The following TEC variants were observed in gnomAD, a reference collection of about 807,000 sequenced individuals.
The protein encoded by TEC is tyrosine-protein kinase Tec.
A neutral mutation model predicts 93.0 loss-of-function variants in TEC; 72 were observed. That is an observed-to-expected ratio of 0.77 (90% confidence interval 0.64 to 0.94). TEC has a LOEUF of 0.94. Ranked by LOEUF, TEC falls within the 40% of genes least tolerant of loss-of-function variation. The pLI, the probability that TEC is intolerant of heterozygous loss-of-function variation, is 0.00. For missense variants in TEC, 630 were observed against 757.9 expected, an observed-to-expected ratio of 0.83 and a Z score of 1.98; for synonymous variants, 249 against 247.7, an observed-to-expected ratio of 1.01 and a Z score of -0.05.
At chr4:48,179,971 C>G (rs185426656) in intron 2 of TEC, among the ~76,000 whole-genome samples, 2 of 152,126 alleles carry the variant, frequency 1.3e-5, no homozygotes, top group Admixed American at 1.3e-4. Context: ...CCATGGTCTG[C>G]TTTCAAAACA....
At position 48,150,807 on chromosome 4, in the gene TEC, A is replaced by G. The variant is rs1424430869; in HGVS notation, c.872+56T>C. 3.9e-6 allele frequency: 5 copies of G among 1,271,348 alleles called. No homozygotes were observed. The Admixed American group carries it at 1.3e-4, about 32-fold the overall frequency. 78.8% of individuals were successfully genotyped at this position (1,271,348 alleles called of 1,614,324 possible). On this transcript the variant is annotated intron_variant, in intron 10 of 17. Coordinates refer to ENST00000381501, the MANE Select transcript of TEC (RefSeq NM_003215.3). ...AAAATTAGGAATCCATATAAACTAC[A>G]TAGGAAGTTCATACAAAAACTCTAA... is the stretch of plus-strand genomic sequence containing the variant.
At chr4:48,161,606 T>C (rs1720662933) in intron 8 of TEC, among the ~76,000 whole-genome samples, 1 of 151,772 alleles carries the variant, frequency 6.6e-6, no homozygotes, top group South Asian at 2.1e-4. Flanking sequence ...GGCTTTTTTT[T>C]TTTTTTTTTT....
intron 2 of TEC, among the ~76,000 whole-genome samples, chr4:48,215,538 G>A (rs1723050475): frequency 6.6e-6 from 1 of 152,054 alleles, no homozygotes; most frequent in Admixed American, 6.6e-5. Flanking sequence ...AATAAAATAG[G>A]CTTGTGCTAG....
intron 15 of TEC, 120 bp from the exon 16 acceptor site, chr4:48,139,142 C>A: frequency 1.2e-6 from 1 of 825,954 alleles, no homozygotes; most frequent in Non-Finnish European, 1.9e-6. Context: ...AACAAGCATC[C>A]GGTTGAAGCT....
chr4:48,163,192 T>A (rs1300160152), intron 8 of TEC, among the ~76,000 whole-genome samples: 1 of 152,132 alleles, frequency 6.6e-6, no homozygotes, highest in Non-Finnish European at 1.5e-5. Flanking sequence ...AAATTTATGA[T>A]CAAATGAAAT....
chr4:48,266,988 A>G (rs1724655521), intron 1 of TEC, among the ~76,000 whole-genome samples: 1 of 152,250 alleles, frequency 6.6e-6, no homozygotes, highest in Non-Finnish European at 1.5e-5. Context: ...AAGAGAGCCA[A>G]CTCATCATCT....
chr4:48,149,779 C>G (rs568158882), intron 10 of TEC, 89 bp from the exon 11 acceptor site: 1 of 1,331,512 alleles, frequency 7.5e-7, no homozygotes, highest in Admixed American at 2.5e-5. Flanking sequence ...ACCACAGTGT[C>G]TCTCCATATG....
rs767837039 is a variant in TEC at position 48,228,485 on chromosome 4, G to A, written c.130C>T (p.Arg44Ter). 11 of 1,601,686 alleles carry A rather than the reference G, an allele frequency of 6.9e-6. No individual in the cohort carries two copies. The highest frequency in any genetic ancestry group is 6.8e-6 in the Non-Finnish European group (8 of 1,176,598). ...TKSMLTYYEG[R>*]AEKKYRKGFI... ...TCGTGATTGTCTCTTACCTCTGCTC[G>A]ACCCTCATAGTAGGTTAGCATGGAC... Residue 44 changes from arginine (R) to a stop codon, truncating the protein, a stop_gained, in exon 2 of 18, where the codon CGA (arginine) becomes TGA (stop). Transcript: ENST00000381501. LOFTEE classifies it high-confidence loss of function.
intron 2 of TEC, among the ~76,000 whole-genome samples, chr4:48,217,348 CA>C (rs1723115318): frequency 6.6e-6 from 1 of 152,148 alleles, no homozygotes; most frequent in African/African-American, 2.4e-5. Context: ...ATGATCCGCC[CA>C]ACTCGGCCTC....
intron 1 of TEC, among the ~76,000 whole-genome samples, chr4:48,262,187 G>A (rs932884393): frequency 2.5e-5 from 2 of 79,850 alleles, no homozygotes; most frequent in Non-Finnish European, 5.4e-5. Context: ...TTGGGTAATT[G>A]TGACCAAATG....
intron 1 of TEC, among the ~76,000 whole-genome samples, chr4:48,261,536 T>A (rs146710366): frequency 3.9e-5 from 6 of 152,210 alleles, no homozygotes; most frequent in African/African-American, 1.4e-4. Flanking sequence ...TTGAGGAGTA[T>A]GTGAGGACAT....
chr4:48,236,881 CT>C, intron 1 of TEC, among the ~76,000 whole-genome samples: 1 of 152,240 alleles, frequency 6.6e-6, no homozygotes. Context: ...TTCTTAAAAC[CT>C]TTTTCATCAT....
rs139903533 is a variant in TEC at position 48,145,397 on chromosome 4, T to C, written c.1253+11A>G. ...ACAAAAAGATGAGCCAGAAAGATGA[T>C]AGCAACTTACATCATCACTTTAGCT... On this transcript the variant is annotated intron_variant, in intron 13 of 17. Transcript: ENST00000381501. 48 of 1,613,906 alleles carry C rather than the reference T, an allele frequency of 3.0e-5. No individual in the cohort carries two copies. The East Asian group carries it at 4.0e-4, about 13-fold the overall frequency.
intron 11 of TEC, among the ~76,000 whole-genome samples, chr4:48,147,619 C>T (rs570440828): frequency 3.0e-4 from 45 of 152,276 alleles, no homozygotes; most frequent in African/African-American, 1.0e-3. Flanking sequence ...CTTTCTAATA[C>T]AACAGGTGGA....
chr4:48,181,550 G>A (rs1721586195), intron 2 of TEC, among the ~76,000 whole-genome samples: 1 of 147,092 alleles, frequency 6.8e-6, no homozygotes, highest in South Asian at 2.2e-4. Flanking sequence ...GTGCGCACCT[G>A]TAGTCCCAGC....
intron 2 of TEC, among the ~76,000 whole-genome samples, chr4:48,223,723 G>C (rs920984265): frequency 5.3e-5 from 8 of 152,166 alleles, no homozygotes; most frequent in Admixed American, 4.6e-4. Context: ...ATCCTTGCCT[G>C]GCATCTGGGA....
chr4:48,217,460 G>A (rs1343179414), intron 2 of TEC, among the ~76,000 whole-genome samples: 1 of 152,136 alleles, frequency 6.6e-6, no homozygotes, highest in African/African-American at 2.4e-5. Flanking sequence ...TCTTTGGTGG[G>A]GAGGGACACC....
chr4:48,236,515 C>A (rs902929779), intron 1 of TEC, among the ~76,000 whole-genome samples: 9 of 152,170 alleles, frequency 5.9e-5, no homozygotes, highest in Non-Finnish European at 1.0e-4. Flanking sequence ...ATCTCCTGAC[C>A]TCGTGATCCA....
chr4:48,181,082 C>T (rs978735465), intron 2 of TEC, among the ~76,000 whole-genome samples: 2 of 152,068 alleles, frequency 1.3e-5, no homozygotes, highest in African/African-American at 2.4e-5. Flanking sequence ...GACCAGGAAA[C>T]ACGGACACCA....
Sources: gnomAD v4.1 joint callset for allele counts (sites outside exome capture counted in the v4.1 genomes callset) on GRCh38, gnomAD v4.1.1 for gene constraint, MANE v1.5 for transcripts, NCBI Gene and HGNC (gene_info 2026-07-23, HGNC 2026-07-21) for gene names.